Variants in CCDC181 observed in about 807,000 individuals in gnomAD.
CCDC181 encodes coiled-coil domain containing 181.
In CCDC181, 35 loss-of-function variants were observed where a neutral mutation model predicts 58.7. The observed-to-expected ratio is 0.60, with a 90% CI of 0.46 to 0.79. The LOEUF (loss-of-function observed/expected upper bound fraction) is 0.79. Among genes scored for constraint, CCDC181 ranks in the 30% least tolerant of loss-of-function variants. The pLI is 0.00. For synonymous variants in CCDC181, 183 were observed against 197.5 expected (o/e 0.93, Z 0.62); for missense variants, 517 against 583.9 (o/e 0.89, Z 1.18).
intron 4 of CCDC181, among the ~76,000 whole-genome samples, chr1:169,410,104 T>A (rs1571476295): frequency 6.7e-6 from 1 of 149,244 alleles, no homozygotes. Flanking sequence ...TCGGATAGAG[T>A]CAAGACCCAT....
At chr1:169,447,357 C>G (rs577912221) in intron 2 of CCDC181, among the ~76,000 whole-genome samples, 1 of 152,252 alleles carries the variant, frequency 6.6e-6, no homozygotes, top group African/African-American at 2.4e-5. Context: ...AGGTGATCCA[C>G]CCGCCTCAGC....
chr1:169,423,644 G>A (rs1400646832), intron 2 of CCDC181, among the ~76,000 whole-genome samples: 1 of 151,868 alleles, frequency 6.6e-6, no homozygotes, highest in Non-Finnish European at 1.5e-5. Context: ...TGATATGATA[G>A]GTGATCATTA....
At chr1:169,458,178 T>G (rs941918518) in intron 2 of CCDC181, among the ~76,000 whole-genome samples, 11 of 142,594 alleles carry the variant, frequency 7.7e-5, no homozygotes, top group African/African-American at 2.3e-4. Flanking sequence ...AATTTTTGTT[T>G]TTTTTTTTTT....
At chr1:169,424,118 A>C (rs1235189616) in intron 2 of CCDC181, among the ~76,000 whole-genome samples, 1 of 151,900 alleles carries the variant, frequency 6.6e-6, no homozygotes, top group Non-Finnish European at 1.5e-5. Flanking sequence ...ATACACACAT[A>C]CATATGCATA....
At chr1:169,428,504 CT>C (rs1014538833), upstream of CCDC181, among the ~76,000 whole-genome samples, 8 of 151,162 alleles carry the variant, frequency 5.3e-5, no homozygotes, top group Non-Finnish European at 1.0e-4. Flanking sequence ...GTGATAGCAG[CT>C]TTTTTTTTAA....
At chr1:169,423,880 T>A (rs1571496536) in intron 2 of CCDC181, among the ~76,000 whole-genome samples, 1 of 152,012 alleles carries the variant, frequency 6.6e-6, no homozygotes, top group Non-Finnish European at 1.5e-5. Flanking sequence ...TCTGTTTCCA[T>A]CTTCAAACAT....
chr1:169,445,569 G>A (rs1657351230), intron 2 of CCDC181, among the ~76,000 whole-genome samples: 1 of 152,140 alleles, frequency 6.6e-6, no homozygotes, highest in Non-Finnish European at 1.5e-5. Context: ...TTGCATCAAT[G>A]TTCATGAGAG....
intron 4 of CCDC181, among the ~76,000 whole-genome samples, chr1:169,415,625 A>G (rs952292314): frequency 1.1e-4 from 17 of 152,110 alleles, no homozygotes; most frequent in African/African-American, 4.1e-4. Flanking sequence ...TCTGAATTGT[A>G]TTTCTGTTTT....
intron 4 of CCDC181, among the ~76,000 whole-genome samples, chr1:169,415,124 C>T (rs1434767591): frequency 6.6e-6 from 1 of 152,122 alleles, no homozygotes; most frequent in Non-Finnish European, 1.5e-5. Context: ...AAATACAGCA[C>T]AATTATGTGC....
chr1:169,395,422 GTC>G (rs1466649721), intron 5 of CCDC181, among the ~76,000 whole-genome samples: 3 of 152,168 alleles, frequency 2.0e-5, no homozygotes, highest in Non-Finnish European at 4.4e-5. Flanking sequence ...GTTTGAAATT[GTC>G]TGTCTTACAA....
At chr1:169,445,756 G>A (rs1410284062) in intron 2 of CCDC181, among the ~76,000 whole-genome samples, 3 of 152,064 alleles carry the variant, frequency 2.0e-5, no homozygotes, top group Admixed American at 6.6e-5. Flanking sequence ...GAAACAATCT[G>A]GGCTTAGTGC....
At chr1:169,409,410 T>G (rs1245237945) in intron 4 of CCDC181, among the ~76,000 whole-genome samples, 1 of 152,062 alleles carries the variant, frequency 6.6e-6, no homozygotes, top group African/African-American at 2.4e-5. Context: ...AAACCTACGT[T>G]TGATTGGTGT....
At chr1:169,435,073 T>C (rs990148919) in intron 2 of CCDC181, among the ~76,000 whole-genome samples, 1 of 152,066 alleles carries the variant, frequency 6.6e-6, no homozygotes, top group Non-Finnish European at 1.5e-5. Context: ...AATGTACACT[T>C]AAAAATGGTT....
At chr1:169,444,969 A>T (rs1439281044) in intron 2 of CCDC181, among the ~76,000 whole-genome samples, 1 of 152,116 alleles carries the variant, frequency 6.6e-6, no homozygotes, top group Non-Finnish European at 1.5e-5. Context: ...ATAAAATACA[A>T]ACTCCTTACC....
chr1:169,442,396 A>G lies in CCDC181; in HGVS notation c.-24+17401T>C, dbSNP rs559905816. Among the ~76,000 whole-genome samples the G allele has an allele frequency of 3.9e-5, 6 of 152,204 alleles. No individual in the cohort carries two copies. In the South Asian group the frequency reaches 1.0e-3, roughly 26 times the overall value. ...TTGAAAACAATAATATGAAGCCATT[A>G]AAAAGTTTTGTGAGTTAAGTTTGAG... On this transcript the variant is annotated intron_variant, in intron 2 of 6. Coordinates refer to the CCDC181 transcript ENST00000545005.
chr1:169,427,460 TCTAA>T lies in CCDC181; in HGVS notation c.-200_-197del. ...CCTCTGCGTCCTCCATCCGGGCCTC[TCTAA>T]CTACGAGAGCGACAAAAATCTGCGC... is the stretch of plus-strand genomic sequence containing the variant. On this transcript the variant is annotated 5_prime_UTR_variant, in exon 1 of 6. Transcript: ENST00000367806. 1 of 152,410 alleles carries T rather than the reference TCTAA, an allele frequency of 6.6e-6. No individual in the cohort carries two copies. Among genetic ancestry groups the T allele is most frequent in the East Asian group, 1.9e-4 (1 of 5,176 alleles). The allele number at this position is 152,410 out of a possible 1,614,324, so 9.4% of individuals were successfully genotyped here.
chr1:169,439,848 C>G (rs1275686198), intron 2 of CCDC181, among the ~76,000 whole-genome samples: 1 of 152,094 alleles, frequency 6.6e-6, no homozygotes, highest in East Asian at 1.9e-4. Flanking sequence ...TGATCTTTCC[C>G]TGAAGTTCAG....
At position 169,421,767 on chromosome 1, in the gene CCDC181, C is replaced by A; in HGVS notation, c.664G>T (p.Asp222Tyr). 1 of 1,614,130 alleles carries A rather than the reference C, an allele frequency of 6.2e-7. No individual in the cohort carries two copies. The highest frequency in any genetic ancestry group is 8.5e-7 in the Non-Finnish European group (1 of 1,180,024). Residue 222 changes from aspartate (D) to tyrosine (Y), a missense_variant, in exon 3 of 6, where the codon GAT (aspartate) becomes TAT (tyrosine). Physicochemically the swap from Asp to Tyr is radical, Grantham distance 160. Coordinates refer to ENST00000367806, the MANE Select transcript of CCDC181 (RefSeq NM_001300969.2). ...NKDRTILVER[D>Y]GKFELLNLQD... Reference sequence around the variant, plus strand: ...AAATTCAGAAGTTCAAATTTTCCATCTCTCTCTACCAGTATTGTCCTATCC... The same window carrying A: ...AAATTCAGAAGTTCAAATTTTCCATATCTCTCTACCAGTATTGTCCTATCC...
At chr1:169,416,636 A>T (rs1656227300) in intron 4 of CCDC181, among the ~76,000 whole-genome samples, 2 of 152,214 alleles carry the variant, frequency 1.3e-5, no homozygotes, top group South Asian at 4.1e-4. Flanking sequence ...ATCTTTCAAG[A>T]TAATATTCTT....
Sources: allele counts gnomAD v4.1 joint callset (sites outside exome capture counted in the v4.1 genomes callset), GRCh38; gene constraint gnomAD v4.1.1; transcripts MANE v1.5; gene names NCBI Gene and HGNC (gene_info 2026-07-23, HGNC 2026-07-21).